The following MAGI2 variants were observed in gnomAD, a reference collection of about 807,000 sequenced individuals.
The protein encoded by MAGI2 is membrane associated guanylate kinase, WW and PDZ domain containing 2.
In MAGI2, 35 loss-of-function variants were observed where a neutral mutation model predicts 133.3. That is an observed-to-expected ratio of 0.26 (90% CI 0.20 to 0.35). The LOEUF is 0.35. Ranked by LOEUF, MAGI2 falls within the 10% of genes least tolerant of loss-of-function variation. The pLI, the probability that MAGI2 is intolerant of heterozygous loss-of-function variation, is 1.00. For synonymous variants in MAGI2, 729 were observed against 710.6 expected, an observed-to-expected ratio of 1.03 and a Z score of -0.41; for missense variants, 1,636 against 1,863.4, an observed-to-expected ratio of 0.88 and a Z score of 2.25.
At chr7:79,446,181 G>C (rs1424910395) in intron 1 of MAGI2, among the ~76,000 whole-genome samples, 1 of 152,162 alleles carries the variant, frequency 6.6e-6, no homozygotes, top group Non-Finnish European at 1.5e-5. Context: ...TGGGAGGAGG[G>C]GGGAGGGATA....
At chr7:79,339,636 C>G (rs1235846973) in intron 1 of MAGI2, among the ~76,000 whole-genome samples, 1 of 152,116 alleles carries the variant, frequency 6.6e-6, no homozygotes, top group African/African-American at 2.4e-5. Context: ...GTGCTTATCA[C>G]CAGCCATTTG....
intron 10 of MAGI2, among the ~76,000 whole-genome samples, chr7:78,214,452 T>C (rs1788072778): frequency 6.6e-6 from 1 of 152,244 alleles, no homozygotes; most frequent in East Asian, 1.9e-4. Context: ...TTTGATGTCT[T>C]GGCACTTTAC....
At chr7:78,501,874 C>T (rs564762055) in intron 4 of MAGI2, 87 bp from the exon 5 acceptor site, 53 of 930,794 alleles carry the variant, frequency 5.7e-5, no homozygotes, top group Admixed American at 3.6e-4. Flanking sequence ...AGGGAATAAA[C>T]GTCATGAATA....
intron 1 of MAGI2, among the ~76,000 whole-genome samples, chr7:79,310,316 A>C (rs1336464280): frequency 6.6e-6 from 1 of 152,082 alleles, no homozygotes; most frequent in Non-Finnish European, 1.5e-5. Context: ...GGAGGGATGA[A>C]AGAACATAAG....
chr7:78,507,573 AG>A (rs1283912230), intron 4 of MAGI2, among the ~76,000 whole-genome samples: 1 of 152,178 alleles, frequency 6.6e-6, no homozygotes, highest in African/African-American at 2.4e-5. Flanking sequence ...TGGAGGGTGG[AG>A]AAGACATGTC....
At chr7:78,489,241 T>A (rs931783153) in intron 6 of MAGI2, among the ~76,000 whole-genome samples, 1 of 152,022 alleles carries the variant, frequency 6.6e-6, no homozygotes. Flanking sequence ...AATATTAGAA[T>A]ATTGAGAACT....
intron 1 of MAGI2, among the ~76,000 whole-genome samples, chr7:79,206,293 G>A (rs1259600503): frequency 1.3e-5 from 2 of 151,008 alleles, no homozygotes; most frequent in Non-Finnish European, 3.0e-5. Flanking sequence ...AAACTGAGTT[G>A]GTTTTTTGAA....
At chr7:79,265,490 T>C (rs1834384505) in intron 1 of MAGI2, among the ~76,000 whole-genome samples, 1 of 152,202 alleles carries the variant, frequency 6.6e-6, no homozygotes, top group Non-Finnish European at 1.5e-5. Context: ...TTTCCTTTTT[T>C]TTGGTGTTGG....
At chr7:79,237,286 C>T (rs1486009727) in intron 1 of MAGI2, among the ~76,000 whole-genome samples, 2 of 152,022 alleles carry the variant, frequency 1.3e-5, no homozygotes, top group African/African-American at 2.4e-5. Flanking sequence ...CGAGGTCAGG[C>T]GATCAAGACC....
At chr7:78,793,035 T>A (rs2151373880) in intron 2 of MAGI2, among the ~76,000 whole-genome samples, 1 of 152,370 alleles carries the variant, frequency 6.6e-6, no homozygotes, top group Admixed American at 6.5e-5. Context: ...CCATGTTATT[T>A]GTTTTGGCTA....
chr7:79,070,153 C>G (rs1027694706), intron 1 of MAGI2, among the ~76,000 whole-genome samples: 2 of 152,066 alleles, frequency 1.3e-5, no homozygotes, highest in Admixed American at 1.3e-4. Flanking sequence ...TGTTGGCCTG[C>G]CTTGCTAGGC....
At chr7:78,555,173 T>C (rs62468618) in intron 3 of MAGI2, among the ~76,000 whole-genome samples, 1 of 54,278 alleles carries the variant, frequency 1.8e-5, no homozygotes, top group Non-Finnish European at 8.0e-5. Flanking sequence ...AATAAATAAA[T>C]GAATGATAGA....
At chr7:78,091,546 TA>T (rs1264304546) in intron 20 of MAGI2, among the ~76,000 whole-genome samples, 2 of 152,188 alleles carry the variant, frequency 1.3e-5, no homozygotes, top group Non-Finnish European at 2.9e-5. Flanking sequence ...GAGCTCATCT[TA>T]TTAATCTTTT....
intron 4 of MAGI2, among the ~76,000 whole-genome samples, chr7:78,506,319 G>A (rs11981540): frequency 0.37 from 55,659 of 151,920 alleles, 10,445 homozygotes; most frequent in South Asian, 0.43. Flanking sequence ...TATACATGTG[G>A]TTTTGGGCAC....
At chr7:79,045,254 G>A (rs1054385125) in intron 1 of MAGI2, among the ~76,000 whole-genome samples, 1 of 152,090 alleles carries the variant, frequency 6.6e-6, no homozygotes, top group Non-Finnish European at 1.5e-5. Flanking sequence ...GGGAACTTTT[G>A]GACATGATGG....
intron 2 of MAGI2, among the ~76,000 whole-genome samples, chr7:78,673,915 A>G (rs1378787618): frequency 6.6e-6 from 1 of 152,192 alleles, no homozygotes; most frequent in African/African-American, 2.4e-5. Context: ...TGTTCTGACT[A>G]ATATGTTCAA....
chr7:78,939,622 A>G (rs1342804995), intron 2 of MAGI2, among the ~76,000 whole-genome samples: 5 of 152,200 alleles, frequency 3.3e-5, no homozygotes, highest in Non-Finnish European at 5.9e-5. Flanking sequence ...TAATAAAAAT[A>G]TGTTTTGGAA....
chr7:78,635,819 C>T (rs561275623), intron 2 of MAGI2, among the ~76,000 whole-genome samples: 7 of 152,342 alleles, frequency 4.6e-5, no homozygotes, highest in Admixed American at 4.6e-4. Flanking sequence ...TAAAAACATA[C>T]ATCCGATAGA....
At chr7:79,174,476 C>T (rs1201509538) in intron 1 of MAGI2, among the ~76,000 whole-genome samples, 4 of 151,726 alleles carry the variant, frequency 2.6e-5, no homozygotes, top group Admixed American at 2.6e-4. Flanking sequence ...ACATGACAAA[C>T]TGGGGAAAAA....
Sources: gnomAD v4.1 joint callset for allele counts (sites outside exome capture counted in the v4.1 genomes callset) on GRCh38, gnomAD v4.1.1 for gene constraint, MANE v1.5 for transcripts, NCBI Gene and HGNC (gene_info 2026-07-23, HGNC 2026-07-21) for gene names.